TUBGCP3: variants seen among roughly 807,000 people sequenced by gnomAD.
TUBGCP3 encodes gamma-tubulin complex component 3.
TUBGCP3 carries 50 observed loss-of-function variants against 123.1 expected under a neutral mutation model. The ratio of observed to expected loss-of-function variants is 0.41; its 90% confidence interval spans 0.32 to 0.51. The LOEUF is 0.51. TUBGCP3 is among the 20% of genes least tolerant of loss of function. TUBGCP3 has a pLI of 0.36. For synonymous variants in TUBGCP3, 405 were observed against 413.9 expected (o/e 0.98, Z 0.26); for missense variants, 882 against 1,127.0 (o/e 0.78, Z 3.11).
At chr13:112,600,636 T>TA in the TUBGCP3 span, among the ~76,000 whole-genome samples, 1 of 151,994 alleles carries the variant, frequency 6.6e-6, no homozygotes, top group Admixed American at 6.6e-5. Context: ...TTCTTATACT[T>TA]AAAAAAAATT....
At chr13:112,503,918 T>C in intron 19 of TUBGCP3, 114 bp downstream of exon 19, 1 of 1,303,254 alleles carries the variant, frequency 7.7e-7, no homozygotes, top group South Asian at 1.6e-5. Flanking sequence ...ATTATCTGAA[T>C]TATTACCAAT....
the TUBGCP3 span, among the ~76,000 whole-genome samples, chr13:112,596,090 G>A: frequency 1.3e-5 from 2 of 152,104 alleles, no homozygotes; most frequent in South Asian, 4.1e-4. Flanking sequence ...CCTGTTTATG[G>A]TATAAATATT....
chr13:112,507,455 T>C (rs1289911148), intron 17 of TUBGCP3, among the ~76,000 whole-genome samples: 4 of 152,204 alleles, frequency 2.6e-5, no homozygotes, highest in Non-Finnish European at 4.4e-5. Flanking sequence ...AGGGGAAACT[T>C]CACCTGAAAG....
At chr13:112,504,817 A>G in intron 17 of TUBGCP3, 103 bp from the exon 18 acceptor site, 1 of 930,622 alleles carries the variant, frequency 1.1e-6, no homozygotes. Context: ...ACAAAAAATC[A>G]GTCATTTAAA....
chr13:112,599,271 T>C, the TUBGCP3 span, among the ~76,000 whole-genome samples: 1 of 152,194 alleles, frequency 6.6e-6, no homozygotes, highest in Non-Finnish European at 1.5e-5. Context: ...TTTCTTTCCA[T>C]ACTGTAGTCT....
intron 6 of TUBGCP3, 32 bp from the exon 7 acceptor site, chr13:112,555,037 C>G (rs766851813): frequency 1.5e-6 from 2 of 1,349,792 alleles, no homozygotes; most frequent in South Asian, 2.5e-5. Context: ...ACAGTAATTA[C>G]TAGACAATAT....
chr13:112,503,664 G>A (rs746366117), intron 19 of TUBGCP3, among the ~76,000 whole-genome samples: 5 of 152,198 alleles, frequency 3.3e-5, no homozygotes, highest in East Asian at 1.9e-4. Context: ...CACTGCGCCC[G>A]GCCTGTTTTG....
intron 1 of TUBGCP3, among the ~76,000 whole-genome samples, chr13:112,582,135 T>C (rs1387202269): frequency 6.6e-6 from 1 of 152,226 alleles, no homozygotes; most frequent in Non-Finnish European, 1.5e-5. Context: ...ATTCCTTGTT[T>C]AGTGAACCTG....
chr13:112,504,244 A>C, intron 18 of TUBGCP3, 81 bp from the exon 19 acceptor site: 4 of 1,550,190 alleles, frequency 2.6e-6, no homozygotes, highest in Non-Finnish European at 3.5e-6. Context: ...TATACCACCT[A>C]TGGGAGGCCG....
chr13:112,583,685 A>T (rs1000580119), intron 1 of TUBGCP3, among the ~76,000 whole-genome samples: 4 of 152,248 alleles, frequency 2.6e-5, no homozygotes, highest in Non-Finnish European at 5.9e-5. Context: ...GATTCAAAAA[A>T]CAACTGCGGA....
chr13:112,564,616 G>C (rs904542537), intron 3 of TUBGCP3, among the ~76,000 whole-genome samples: 1 of 151,840 alleles, frequency 6.6e-6, no homozygotes, highest in Non-Finnish European at 1.5e-5. Flanking sequence ...AGGAGTTTGA[G>C]ACCAGCCTGG....
At chr13:112,599,482 T>C in the TUBGCP3 span, among the ~76,000 whole-genome samples, 5 of 152,132 alleles carry the variant, frequency 3.3e-5, no homozygotes, top group Non-Finnish European at 7.4e-5. Flanking sequence ...AGTTATAATC[T>C]AAAACTACTT....
At chr13:112,564,633 C>G (rs1880808985) in intron 3 of TUBGCP3, among the ~76,000 whole-genome samples, 1 of 151,916 alleles carries the variant, frequency 6.6e-6, no homozygotes. Context: ...CTGGGGAACA[C>G]AGCGAAGCTG....
chr13:112,551,090 C>A (rs868496821), intron 8 of TUBGCP3, among the ~76,000 whole-genome samples: 12 of 151,334 alleles, frequency 7.9e-5, no homozygotes, highest in Admixed American at 2.6e-4. Flanking sequence ...CAGAGCGAGA[C>A]GACTCCGTCT....
At chr13:112,521,499 A>G (rs1200417088) in intron 14 of TUBGCP3, among the ~76,000 whole-genome samples, 1 of 152,184 alleles carries the variant, frequency 6.6e-6, no homozygotes, top group Non-Finnish European at 1.5e-5. Flanking sequence ...CACACCTGAG[A>G]ATCTCATTCT....
rs76310403 is a variant in TUBGCP3, at chr13:112,524,273, A to G, written c.1556-1764T>C. ...GTTAAATTGTCTTGGTTTTTTGTGT[A>G]TTTTTTTAGTGGCTGCCTTTTTTTA... On this transcript the variant is annotated intron_variant, in intron 13 of 21. Transcript: ENST00000261965. The surrounding 1 kb of genome is among the most constrained non-coding windows in gnomAD (Gnocchi z 4.4). Among the ~76,000 whole-genome samples, 3,899 of 152,240 alleles carry G rather than the reference A, an allele frequency of 0.026. 81 individuals are homozygous for G. The highest frequency in any genetic ancestry group is 0.075 in the Middle Eastern group (22 of 294).
intron 3 of TUBGCP3, among the ~76,000 whole-genome samples, chr13:112,561,129 A>G (rs898133422): frequency 1.3e-5 from 2 of 152,228 alleles, no homozygotes; most frequent in Non-Finnish European, 2.9e-5. Flanking sequence ...CCATCACTGC[A>G]CAAGTGACGA....
intron 1 of TUBGCP3, among the ~76,000 whole-genome samples, chr13:112,578,619 C>G (rs1487192535): frequency 6.8e-6 from 1 of 146,420 alleles, no homozygotes; most frequent in East Asian, 2.0e-4. Context: ...AGTAGCAGAG[C>G]AGATGCTAAA....
intron 13 of TUBGCP3, 143 bp from the exon 14 acceptor site, chr13:112,522,652 G>T: frequency 1.4e-6 from 1 of 698,778 alleles, no homozygotes; most frequent in Non-Finnish European, 2.3e-6. Flanking sequence ...ACAGACAGCT[G>T]GACATTCCAC....
Sources: allele counts gnomAD v4.1 joint callset (sites outside exome capture counted in the v4.1 genomes callset), GRCh38; gene constraint gnomAD v4.1.1; non-coding constraint Gnocchi (gnomAD v3.1); transcripts MANE v1.5; gene names NCBI Gene and HGNC (gene_info 2026-07-23, HGNC 2026-07-21).